The following LOC128092252 variants were observed in gnomAD, a reference collection of about 807,000 sequenced individuals.
the LOC128092252 span, among the ~76,000 whole-genome samples, chr15:50,672,358 T>G: frequency 1.3e-4 from 20 of 151,506 alleles, no homozygotes; most frequent in African/African-American, 4.9e-4. Context: ...GCCCGGCCAC[T>G]CCTACCTATT....
At chr15:50,686,410 G>A in the LOC128092252 span, 1 of 1,527,924 alleles carries the variant, frequency 6.5e-7, no homozygotes, top group Non-Finnish European at 9.0e-7. Context: ...AAGCCTCAAG[G>A]CAATTCGAGG....
chr15:50,661,477 T>C, the LOC128092252 span, among the ~76,000 whole-genome samples: 1 of 152,240 alleles, frequency 6.6e-6, no homozygotes, highest in Non-Finnish European at 1.5e-5. Context: ...AAAAGTTTTT[T>C]AAATGTATCA....
At chr15:50,680,365 ACT>A in the LOC128092252 span, among the ~76,000 whole-genome samples, 7 of 152,132 alleles carry the variant, frequency 4.6e-5, no homozygotes, top group African/African-American at 1.7e-4. Context: ...ACATGCCAAA[ACT>A]CTGTCTCCAG....
chr15:50,674,279 A>G, the LOC128092252 span, among the ~76,000 whole-genome samples: 1 of 151,788 alleles, frequency 6.6e-6, no homozygotes, highest in Non-Finnish European at 1.5e-5. Context: ...GTGAGCCACC[A>G]TGCCCAGAAG....
At chr15:50,669,640 G>A in the LOC128092252 span, among the ~76,000 whole-genome samples, 42 of 152,140 alleles carry the variant, frequency 2.8e-4, no homozygotes, top group Non-Finnish European at 8.8e-5. Flanking sequence ...GGACACTGGA[G>A]TGAGAAAAAA....
At chr15:50,686,554 C>G in the LOC128092252 span, 1 of 1,609,678 alleles carries the variant, frequency 6.2e-7, no homozygotes, top group African/African-American at 1.3e-5. Context: ...GGGCGGACTC[C>G]GGAAGGGCAG....
the LOC128092252 span, among the ~76,000 whole-genome samples, chr15:50,650,128 G>A: frequency 4.3e-5 from 6 of 137,984 alleles, no homozygotes; most frequent in East Asian, 1.4e-3. Context: ...GGGAGGCGCA[G>A]ACCACAGTGA....
At chr15:50,662,386 T>G in the LOC128092252 span, among the ~76,000 whole-genome samples, 2 of 151,958 alleles carry the variant, frequency 1.3e-5, no homozygotes, top group Non-Finnish European at 2.9e-5. Flanking sequence ...AAATATTTCA[T>G]GAGCTCAACT....
the LOC128092252 span, among the ~76,000 whole-genome samples, chr15:50,684,293 C>T: frequency 1.3e-5 from 2 of 151,822 alleles, no homozygotes; most frequent in South Asian, 4.2e-4. Context: ...GCTAGGATTA[C>T]CACGCCCGAT....
chr15:50,672,828 T>C, the LOC128092252 span, among the ~76,000 whole-genome samples: 1 of 132,252 alleles, frequency 7.6e-6, no homozygotes, highest in East Asian at 2.2e-4. Context: ...GAGAATCGCT[T>C]GAACCAGGGA....
At chr15:50,674,816 G>GT in the LOC128092252 span, among the ~76,000 whole-genome samples, 1 of 152,032 alleles carries the variant, frequency 6.6e-6, no homozygotes, top group Non-Finnish European at 1.5e-5. Flanking sequence ...TAATGGGTTT[G>GT]TTTTTGTTTT....
At chr15:50,666,007 T>TA in the LOC128092252 span, among the ~76,000 whole-genome samples, 10 of 148,260 alleles carry the variant, frequency 6.7e-5, no homozygotes, top group Non-Finnish European at 1.5e-4. Context: ...AATAATAATT[T>TA]AAAAAAAAGG....
chr15:50,683,873 A>C, the LOC128092252 span, among the ~76,000 whole-genome samples: 1 of 152,080 alleles, frequency 6.6e-6, no homozygotes, highest in African/African-American at 2.4e-5. Context: ...GAATCTGATC[A>C]AGTCTTTTTT....
chr15:50,678,117 T>G, the LOC128092252 span, among the ~76,000 whole-genome samples: 1 of 151,282 alleles, frequency 6.6e-6, no homozygotes, highest in African/African-American at 2.4e-5. Context: ...GGTGGGCGCC[T>G]GTAGTCCCAG....
At chr15:50,660,161 T>C in the LOC128092252 span, among the ~76,000 whole-genome samples, 4 of 152,176 alleles carry the variant, frequency 2.6e-5, no homozygotes, top group Admixed American at 6.6e-5. Flanking sequence ...AACATATCTT[T>C]AACAAGTAGT....
chr15:50,686,419 G>A, the LOC128092252 span: 2 of 1,568,120 alleles, frequency 1.3e-6, no homozygotes, highest in Non-Finnish European at 1.8e-6. Context: ...GGCAATTCGA[G>A]GGTCCTTCGC....
the LOC128092252 span, among the ~76,000 whole-genome samples, chr15:50,675,371 G>T: frequency 6.6e-6 from 1 of 151,262 alleles, no homozygotes; most frequent in Non-Finnish European, 1.5e-5. Context: ...ATCTCCTACA[G>T]CCTTCCCTAC....
At chr15:50,678,010 C>T in the LOC128092252 span, among the ~76,000 whole-genome samples, 1 of 151,888 alleles carries the variant, frequency 6.6e-6, no homozygotes, top group South Asian at 2.1e-4. Context: ...GAGGCCGAGG[C>T]GGGCGGATCA....
At chr15:50,655,453 A>T in the LOC128092252 span, among the ~76,000 whole-genome samples, 1 of 144,304 alleles carries the variant, frequency 6.9e-6, no homozygotes, top group Non-Finnish European at 1.6e-5. Flanking sequence ...AAAAACAAAA[A>T]AACAAAAAAC....
Sources: gnomAD v4.1 joint callset for allele counts (sites outside exome capture counted in the v4.1 genomes callset) on GRCh38, gnomAD v4.1.1 for gene constraint, MANE v1.5 for transcripts.